THSD7B: variants seen among roughly 807,000 people sequenced by gnomAD.
The protein encoded by THSD7B is thrombospondin type-1 domain-containing protein 7B.
THSD7B carries 138 observed loss-of-function variants against 213.6 expected under a neutral mutation model. The observed-to-expected ratio is 0.65, with a 90% CI of 0.56 to 0.74. The LOEUF (loss-of-function observed/expected upper bound fraction) is 0.74, where lower values mean the gene tolerates loss of function less well. Ranked by LOEUF, THSD7B falls within the 30% of genes least tolerant of loss-of-function variation. The probability of loss-of-function intolerance (pLI) is 0.00; values close to 1 mark genes in which losing one functional copy is unlikely to be tolerated. For missense variants in THSD7B, 1,931 were observed against 1,991.5 expected, an observed-to-expected ratio of 0.97 and a Z score of 0.58; for synonymous variants, 742 against 687.0, an observed-to-expected ratio of 1.08 and a Z score of -1.25.
At chr2:137,567,468 G>A in intron 16 of THSD7B, among the ~76,000 whole-genome samples, 1 of 152,072 alleles carries the variant, frequency 6.6e-6, no homozygotes, top group East Asian at 1.9e-4. Context: ...TGTGGTATAG[G>A]GAAGGTATTT....
intron 15 of THSD7B, among the ~76,000 whole-genome samples, chr2:137,543,053 G>A (rs1291981989): frequency 6.6e-6 from 1 of 151,740 alleles, no homozygotes; most frequent in Non-Finnish European, 1.5e-5. Context: ...AGAGGCTCCA[G>A]GGGACAAGCT....
intron 5 of THSD7B, among the ~76,000 whole-genome samples, chr2:137,152,448 G>C (rs531236196): frequency 6.6e-6 from 1 of 152,246 alleles, no homozygotes; most frequent in South Asian, 2.1e-4. Context: ...AGGATATGGA[G>C]ATTTAAGAAG....
At chr2:137,464,314 G>A (rs1475980331) in intron 15 of THSD7B, among the ~76,000 whole-genome samples, 1 of 152,058 alleles carries the variant, frequency 6.6e-6, no homozygotes, top group Non-Finnish European at 1.5e-5. Context: ...GGTTCTTCCA[G>A]AAAGAGTGCA....
intron 3 of THSD7B, among the ~76,000 whole-genome samples, chr2:137,068,827 G>C (rs978009521): frequency 1.3e-5 from 2 of 151,842 alleles, no homozygotes; most frequent in East Asian, 1.9e-4. Context: ...GGCTACTGTT[G>C]GTTATTATGT....
rs1683118269 is a variant in THSD7B at position 136,852,686 on chromosome 2, C to T, written c.-35-29458C>T. Reference sequence around the variant, plus strand: ...ATGTTTTCTTTTAATATAACTTATGCCTGTCTTTGCTTTATGATTTATCTT... The same window carrying T: ...ATGTTTTCTTTTAATATAACTTATGTCTGTCTTTGCTTTATGATTTATCTT... On this transcript the variant is annotated intron_variant, in intron 1 of 27. Transcript: ENST00000409968. Among the ~76,000 whole-genome samples, 5 of 151,974 alleles carry T rather than the reference C, an allele frequency of 3.3e-5. No individual in the cohort carries two copies. In the South Asian group the frequency reaches 8.3e-4, roughly 25 times the overall value.
At chr2:136,966,964 C>G (rs1398853786) in intron 2 of THSD7B, among the ~76,000 whole-genome samples, 1 of 152,070 alleles carries the variant, frequency 6.6e-6, no homozygotes, top group Non-Finnish European at 1.5e-5. Flanking sequence ...CATTTATTGT[C>G]TCTGCAACTG....
intron 15 of THSD7B, among the ~76,000 whole-genome samples, chr2:137,559,819 AC>A (rs1411995444): frequency 6.6e-6 from 1 of 152,206 alleles, no homozygotes; most frequent in Non-Finnish European, 1.5e-5. Flanking sequence ...TACTCATCTG[AC>A]AAAGGGCTAA....
chr2:137,391,268 T>C (rs1368948259), intron 12 of THSD7B, among the ~76,000 whole-genome samples: 1 of 152,202 alleles, frequency 6.6e-6, no homozygotes, highest in East Asian at 1.9e-4. Context: ...TAATAGTCTC[T>C]GTTGATCTTT....
intron 12 of THSD7B, among the ~76,000 whole-genome samples, chr2:137,399,427 G>T (rs1372981294): frequency 6.6e-6 from 1 of 151,998 alleles, no homozygotes; most frequent in Non-Finnish European, 1.5e-5. Context: ...TCCTGACCTT[G>T]AATGATCTCC....
At chr2:136,949,492 G>T (rs374643547) in intron 2 of THSD7B, among the ~76,000 whole-genome samples, 3 of 152,184 alleles carry the variant, frequency 2.0e-5, no homozygotes, top group Non-Finnish European at 2.9e-5. Context: ...GCGTATTCTA[G>T]CTGGTTCTGA....
intron 12 of THSD7B, among the ~76,000 whole-genome samples, chr2:137,404,472 T>TACACACACAC (rs1274761285): frequency 2.6e-4 from 15 of 56,778 alleles, no homozygotes; most frequent in African/African-American, 9.9e-4. Flanking sequence ...TATATATATA[T>TACACACACAC]ATACACACAC....
intron 2 of THSD7B, among the ~76,000 whole-genome samples, chr2:136,970,981 A>AT (rs1010965299): frequency 7.2e-5 from 11 of 152,296 alleles, no homozygotes; most frequent in South Asian, 6.2e-4. Flanking sequence ...TATTTCAAGA[A>AT]TTTTTTCTGA....
intron 12 of THSD7B, among the ~76,000 whole-genome samples, chr2:137,321,553 A>G (rs1684264974): frequency 6.6e-6 from 1 of 152,210 alleles, no homozygotes; most frequent in Non-Finnish European, 1.5e-5. Flanking sequence ...GAAGGTACAC[A>G]TAATCCTGGC....
chr2:137,516,664 G>A (rs555279063), intron 15 of THSD7B, among the ~76,000 whole-genome samples: 22 of 152,148 alleles, frequency 1.4e-4, no homozygotes, highest in African/African-American at 1.9e-4. Context: ...GTGGGTCCAC[G>A]GACTCATTCT....
rs532871504 is a variant in THSD7B, at chr2:137,344,445, A to G, written c.2501-61168A>G. ...TACAGATGTGTTTGCTGCCTGCATA[A>G]CATTCATAGTAGAGATGAAAAAAGG... On this transcript the variant is annotated intron_variant, in intron 12 of 27. Coordinates refer to ENST00000409968, the MANE Select transcript of THSD7B (RefSeq NM_001316349.2). Among the ~76,000 whole-genome samples, 18 of 151,862 alleles carry G rather than the reference A, an allele frequency of 1.2e-4. No homozygotes were observed. In the South Asian group the frequency reaches 3.7e-3, roughly 31 times the overall value.
At chr2:137,031,394 T>C (rs560049810) in intron 2 of THSD7B, among the ~76,000 whole-genome samples, 2 of 152,256 alleles carry the variant, frequency 1.3e-5, no homozygotes, top group East Asian at 1.9e-4. Flanking sequence ...GCAGAAAATA[T>C]AGACATATCA....
At chr2:137,517,221 C>T (rs1421904481) in intron 15 of THSD7B, among the ~76,000 whole-genome samples, 1 of 152,226 alleles carries the variant, frequency 6.6e-6, no homozygotes, top group East Asian at 1.9e-4. Flanking sequence ...AACTCTCCAG[C>T]TTTGTGTCAT....
At chr2:137,185,170 A>C (rs1351686176) in intron 7 of THSD7B, among the ~76,000 whole-genome samples, 1 of 152,162 alleles carries the variant, frequency 6.6e-6, no homozygotes, top group African/African-American at 2.4e-5. Flanking sequence ...CAACATATTT[A>C]TATAACTTAT....
At chr2:137,599,734 G>A (rs546114321) in intron 17 of THSD7B, among the ~76,000 whole-genome samples, 18 of 152,180 alleles carry the variant, frequency 1.2e-4, no homozygotes, top group African/African-American at 2.7e-4. Flanking sequence ...GTATGATATC[G>A]ACAAACATCT....
Sources: gnomAD v4.1 joint callset for allele counts (sites outside exome capture counted in the v4.1 genomes callset) on GRCh38, gnomAD v4.1.1 for gene constraint, MANE v1.5 for transcripts, NCBI Gene and HGNC (gene_info 2026-07-23, HGNC 2026-07-21) for gene names.